PBX1: variants seen among roughly 807,000 people sequenced by gnomAD.
PBX1 encodes pre-B-cell leukemia transcription factor 1.
Under a neutral mutation model 53.4 loss-of-function variants are expected in PBX1, and 6 were observed. That is an observed-to-expected ratio of 0.11 (90% CI 0.06 to 0.22). The LOEUF (loss-of-function observed/expected upper bound fraction) is 0.22. Among genes scored for constraint, PBX1 ranks in the 10% least tolerant of loss-of-function variants. PBX1 has a pLI of 1.00. For missense variants in PBX1, 251 were observed against 551.4 expected (o/e 0.46, Z 5.46); for synonymous variants, 204 against 212.3 (o/e 0.96, Z 0.34).
At chr1:164,665,534 G>A (rs981106095) in intron 2 of PBX1, among the ~76,000 whole-genome samples, 2 of 152,114 alleles carry the variant, frequency 1.3e-5, no homozygotes, top group Non-Finnish European at 1.5e-5. Flanking sequence ...TGATCCACCC[G>A]CCTTGGCCTT....
chr1:164,642,542 A>T (rs1424052164), intron 2 of PBX1, among the ~76,000 whole-genome samples: 1 of 152,194 alleles, frequency 6.6e-6, no homozygotes, highest in Non-Finnish European at 1.5e-5. Flanking sequence ...GAGGCCTAGG[A>T]TAGTACTGTA....
chr1:164,655,111 T>TTA lies in PBX1; in HGVS notation c.265+91801_265+91802insAT, dbSNP rs200567074. Among the ~76,000 whole-genome samples the TTA allele has an allele frequency of 1.2e-3, 182 of 150,802 alleles. 2 individuals carry two copies. The East Asian group carries it at 0.023, about 19-fold the overall frequency. ...AGTCTCTGATGTGTGTTTTTTTTTT[T>TTA]TTTTTATTTTTATTTTTTTAAGACG... On this transcript the variant is annotated intron_variant, in intron 2 of 8. Transcript: ENST00000420696.
chr1:164,798,087 G>T (rs751031176), intron 3 of PBX1, among the ~76,000 whole-genome samples: 3 of 152,176 alleles, frequency 2.0e-5, no homozygotes, highest in Non-Finnish European at 4.4e-5. Context: ...GAAAGGATGT[G>T]CCCAAATATT....
chr1:164,782,483 G>T (rs1436712503), intron 2 of PBX1, among the ~76,000 whole-genome samples: 1 of 152,202 alleles, frequency 6.6e-6, no homozygotes, highest in Non-Finnish European at 1.5e-5. Flanking sequence ...AAGTAATCAT[G>T]GATCGCGTTA....
chr1:164,626,107 G>A lies in PBX1; in HGVS notation c.265+62796G>A, dbSNP rs146752606. 2.5e-4 allele frequency: 253 copies of A among 1,025,270 alleles called. 1 individual carries two copies. The African/African-American group carries it at 4.0e-3, about 16-fold the overall frequency. The allele number at this position is 1,025,270 out of a possible 1,614,324, so 63.5% of individuals were successfully genotyped here. A position where few individuals can be genotyped will look rare whatever the true frequency, so the allele number is the denominator to read the frequency against. ...GGGGAGAAGGCAAAGGTGAGTGTTC[G>A]ATATCTTTGCAGGCTGAATGGCCAG... is the stretch of plus-strand genomic sequence containing the variant. On this transcript the variant is annotated intron_variant, in intron 2 of 8. Coordinates refer to ENST00000420696, the MANE Select transcript of PBX1 (RefSeq NM_002585.4).
chr1:164,853,945 T>A (rs910455504), downstream of PBX1, among the ~76,000 whole-genome samples: 68 of 151,510 alleles, frequency 4.5e-4, no homozygotes, highest in Non-Finnish European at 8.4e-4. Context: ...ATTTTATTTT[T>A]TTTTTTGAGA....
intron 2 of PBX1, among the ~76,000 whole-genome samples, chr1:164,760,239 C>A (rs1666739496): frequency 6.6e-6 from 1 of 152,144 alleles, no homozygotes; most frequent in African/African-American, 2.4e-5. Flanking sequence ...TCAGAATGAG[C>A]AGCTCCATCT....
chr1:164,689,994 C>T (rs1369377924), intron 2 of PBX1, among the ~76,000 whole-genome samples: 1 of 152,214 alleles, frequency 6.6e-6, no homozygotes, highest in Non-Finnish European at 1.5e-5. Context: ...ATTACTTCTA[C>T]TGCTGTACCC....
intron 2 of PBX1, among the ~76,000 whole-genome samples, chr1:164,879,525 T>C (rs142143047): frequency 2.9e-4 from 44 of 152,232 alleles, no homozygotes; most frequent in African/African-American, 9.6e-4. Context: ...AAGATCTAAG[T>C]GGAAACCTCC....
intron 2 of PBX1, among the ~76,000 whole-genome samples, chr1:164,790,421 G>C (rs1668438545): frequency 6.6e-6 from 1 of 152,162 alleles, no homozygotes; most frequent in Admixed American, 6.5e-5. Context: ...TTGTGTAGCA[G>C]AATATTACAT....
downstream of PBX1, among the ~76,000 whole-genome samples, chr1:164,856,080 C>T (rs376448939): frequency 6.6e-6 from 1 of 152,226 alleles, no homozygotes; most frequent in East Asian, 1.9e-4. Context: ...ATTCCTCCAG[C>T]CCATGACCTT....
At position 164,850,575 on chromosome 1, in the gene PBX1, G is replaced by A. The variant is rs1332589070; in HGVS notation, c.*3899G>A. The A allele has an allele frequency of 1.0e-5, 2 of 191,692 alleles. No homozygotes were observed. The highest frequency in any genetic ancestry group is 2.2e-5 in the Non-Finnish European group (2 of 91,768). The allele number at this position is 191,692 out of a possible 1,614,324, so 11.9% of individuals were successfully genotyped here. Reference sequence around the variant, plus strand: ...TGTTTTTCTTCAATATGTATACAAGGTGATGTGAAAAGATGACTTGGGCAG... The same window carrying A: ...TGTTTTTCTTCAATATGTATACAAGATGATGTGAAAAGATGACTTGGGCAG... On this transcript the variant is annotated 3_prime_UTR_variant, in exon 9 of 9. Transcript: ENST00000420696.
chr1:164,680,680 C>G (rs1053627049), intron 2 of PBX1: 2 of 152,228 alleles, frequency 1.3e-5, no homozygotes, highest in African/African-American at 4.8e-5. Flanking sequence ...TTGTATACAT[C>G]AAACAGGCTG....
intron 2 of PBX1, among the ~76,000 whole-genome samples, chr1:164,882,454 C>A (rs74118240): frequency 0.013 from 1,909 of 152,242 alleles, 36 homozygotes; most frequent in African/African-American, 0.043. Flanking sequence ...ATTGTCCATA[C>A]GTAAGTTCAT....
intron 2 of PBX1, among the ~76,000 whole-genome samples, chr1:164,878,496 T>G (rs146403985): frequency 6.6e-6 from 1 of 152,130 alleles, no homozygotes; most frequent in Non-Finnish European, 1.5e-5. Flanking sequence ...GACTGTGAAG[T>G]ATGCAGTCAC....
In PBX1 at chr1:164,851,355, A is replaced by G. The variant is rs1221045595; in HGVS notation, c.*4679A>G. On this transcript the variant is annotated 3_prime_UTR_variant, in exon 9 of 9. Coordinates refer to ENST00000420696, the MANE Select transcript of PBX1 (RefSeq NM_002585.4). ...GAGCAATGCTTTAGGAAATATTTCTACCTGAACACTTGTACTCTTGAAGTC... is the reference window on the plus strand; with the variant it reads ...GAGCAATGCTTTAGGAAATATTTCTGCCTGAACACTTGTACTCTTGAAGTC... 8 of 205,716 alleles carry G rather than the reference A, an allele frequency of 3.9e-5. No homozygotes were observed. Among genetic ancestry groups the G allele is most frequent in the Admixed American group, 1.2e-4 (2 of 16,740 alleles). The allele number at this position is 205,716 out of a possible 1,614,324, so 12.7% of individuals were successfully genotyped here.
chr1:164,649,861 TTTCATGTCCC>T (rs2101918947), intron 2 of PBX1, among the ~76,000 whole-genome samples: 1 of 152,320 alleles, frequency 6.6e-6, no homozygotes, highest in South Asian at 2.1e-4. Context: ...ATATAATGGC[TTTCATGTCCC>T]TTCTCATAAT....
At chr1:164,831,877 C>T (rs1291636108) in intron 8 of PBX1, among the ~76,000 whole-genome samples, 1 of 152,134 alleles carries the variant, frequency 6.6e-6, no homozygotes, top group African/African-American at 2.4e-5. Context: ...ATCTTATAGC[C>T]AAGCATTGCT....
intron 6 of PBX1, 90 bp downstream of exon 6, chr1:164,812,239 G>A (rs1669649538): frequency 1.6e-6 from 2 of 1,251,892 alleles, no homozygotes; most frequent in Non-Finnish European, 2.2e-6. Context: ...CTTTTAATTT[G>A]TTAGGCTTTT....
Sources: gnomAD v4.1 joint callset for allele counts (sites outside exome capture counted in the v4.1 genomes callset) on GRCh38, gnomAD v4.1.1 for gene constraint, MANE v1.5 for transcripts, NCBI Gene and HGNC (gene_info 2026-07-23, HGNC 2026-07-21) for gene names.